Variants in CREG2 observed in about 807,000 individuals in gnomAD.
CREG2 encodes cellular repressor of E1A stimulated genes 2.
A neutral mutation model predicts 26.2 loss-of-function variants in CREG2; 24 were observed. The ratio of observed to expected loss-of-function variants is 0.92; its 90% CI spans 0.66 to 1.29. CREG2 has a LOEUF of 1.29. Ranked by LOEUF, CREG2 falls within the 50% of genes most tolerant of loss-of-function variation. The pLI, the probability that CREG2 is intolerant of heterozygous loss-of-function variation, is 0.00. For missense variants in CREG2, 366 were observed against 398.6 expected, an observed-to-expected ratio of 0.92 and a Z score of 0.70; for synonymous variants, 174 against 169.2, an observed-to-expected ratio of 1.03 and a Z score of -0.22.
At chr2:101,351,321 C>T (rs559023424) in intron 3 of CREG2, among the ~76,000 whole-genome samples, 2 of 152,324 alleles carry the variant, frequency 1.3e-5, no homozygotes, top group African/African-American at 4.8e-5. Context: ...CTCAGTTCAA[C>T]TGCTGATGAG....
intron 1 of CREG2, among the ~76,000 whole-genome samples, chr2:101,386,499 C>A (rs1237358170): frequency 2.6e-5 from 4 of 152,224 alleles, no homozygotes; most frequent in Non-Finnish European, 5.9e-5. Context: ...CATAATAAGC[C>A]TCCTTTCCAG....
In CREG2 at chr2:101,383,577, G is replaced by A. The variant is rs1684914780; in HGVS notation, c.567C>T (p.Pro189=). Residue 189 remains proline, a synonymous_variant, in exon 2 of 4, where the codon CCC becomes CCT. Transcript: ENST00000324768. ...ATTCTGGCAGCATCAGCGAGGCCAT[G>A]GGGTTCTTCATCAGATCAGCCACCA... is the stretch of plus-strand genomic sequence containing the variant. ...DPVVADLMKN[P]MASLMLPESE... 1.2e-6 allele frequency: 2 copies of A among 1,614,034 alleles called. No individual in the cohort carries two copies. The highest frequency in any genetic ancestry group is 2.7e-5 in the African/African-American group (2 of 74,916).
intron 2 of CREG2, chr2:101,383,161 C>T (rs1684904585): frequency 2.7e-6 from 1 of 363,716 alleles, no homozygotes; most frequent in Non-Finnish European, 4.4e-6. Context: ...AGATCAACTA[C>T]TGGCTCTTCC....
At chr2:101,365,514 C>A (rs181227403) in intron 2 of CREG2, among the ~76,000 whole-genome samples, 3 of 152,304 alleles carry the variant, frequency 2.0e-5, no homozygotes, top group African/African-American at 4.8e-5. Flanking sequence ...TCCTTCCCAA[C>A]CAATATTGTC....
chr2:101,363,885 GAC>G (rs1158678597), intron 2 of CREG2, among the ~76,000 whole-genome samples: 1 of 110,298 alleles, frequency 9.1e-6, no homozygotes, highest in African/African-American at 3.3e-5. Flanking sequence ...CACACACACA[GAC>G]ACACACACAG....
At chr2:101,368,758 G>A (rs1007788276) in intron 2 of CREG2, among the ~76,000 whole-genome samples, 4 of 152,116 alleles carry the variant, frequency 2.6e-5, no homozygotes, top group Non-Finnish European at 5.9e-5. Context: ...AATAAAAGAG[G>A]CCCCAGAGAG....
At chr2:101,379,375 C>G (rs1360780807) in intron 2 of CREG2, among the ~76,000 whole-genome samples, 1 of 152,132 alleles carries the variant, frequency 6.6e-6, no homozygotes, top group Admixed American at 6.5e-5. Flanking sequence ...CTGTTCATTC[C>G]TTTCATCATT....
intron 2 of CREG2, among the ~76,000 whole-genome samples, chr2:101,358,218 C>T (rs540565914): frequency 2.0e-5 from 3 of 152,082 alleles, no homozygotes; most frequent in Non-Finnish European, 4.4e-5. Context: ...TCTCAAACTC[C>T]TGACTTCAAG....
intron 2 of CREG2, among the ~76,000 whole-genome samples, chr2:101,356,175 C>T (rs933903036): frequency 5.3e-5 from 8 of 152,230 alleles, no homozygotes; most frequent in African/African-American, 1.9e-4. Flanking sequence ...TATCCATCCT[C>T]TCCGACTCTC....
chr2:101,355,511 G>A, intron 2 of CREG2, 145 bp from the exon 3 acceptor site: 1 of 613,016 alleles, frequency 1.6e-6, no homozygotes, highest in South Asian at 1.9e-5. Flanking sequence ...TATCATTCAG[G>A]TTATGTTACG....
chr2:101,383,811 G>A (rs1684921552), intron 1 of CREG2, 109 bp from the exon 2 acceptor site: 3 of 1,031,304 alleles, frequency 2.9e-6, no homozygotes, highest in Non-Finnish European at 4.2e-6. Context: ...GATGAGGGGG[G>A]ATCATGGCAT....
rs577260793 is a variant in CREG2, at chr2:101,386,253, C to G, written c.441+764G>C. Among the ~76,000 whole-genome samples the G allele has an allele frequency of 8.1e-4, 124 of 152,300 alleles. 1 individual carries two copies. Among genetic ancestry groups the G allele is most frequent in the South Asian group, 2.1e-4 (1 of 4,820 alleles). On this transcript the variant is annotated intron_variant, in intron 1 of 3. Transcript: ENST00000324768. Reference sequence around the variant, plus strand: ...GAACCTGGCCAATGTCCTATGCCTTCCATAAAATATTATTTCTCTTTTTTG... The same window carrying G: ...GAACCTGGCCAATGTCCTATGCCTTGCATAAAATATTATTTCTCTTTTTTG...
rs568585784 is a variant in CREG2 at position 101,350,484 on chromosome 2, T to C, written c.*439A>G. On this transcript the variant is annotated 3_prime_UTR_variant, in exon 4 of 4. Coordinates refer to ENST00000324768, the MANE Select transcript of CREG2 (RefSeq NM_153836.4). The stretch of plus-strand genomic sequence containing the variant: ...TGTGACTGCGTGATGCACAGTCAGC[T>C]GCTTCGTGGTCACAGTGAACTTAGA... The C allele has an allele frequency of 1.9e-5, 3 of 155,926 alleles. No individual in the cohort carries two copies. Among genetic ancestry groups the C allele is most frequent in the Non-Finnish European group, 4.3e-5 (3 of 70,550 alleles). The allele number at this position is 155,926 out of a possible 1,614,324, so 9.7% of individuals were successfully genotyped here. A position where few individuals can be genotyped will look rare whatever the true frequency, so the allele number is the denominator to read the frequency against.
rs370013761 is a variant in CREG2, at chr2:101,347,486, A to G, written c.*3437T>C. On this transcript the variant is annotated 3_prime_UTR_variant, in exon 4 of 4. Transcript: ENST00000324768. ...TGCATCCTTGTCAGCGTTTGGTGTT[A>G]TCATTATTTTTTATTTTAGCAATTT... The G allele has an allele frequency of 3.9e-5, 6 of 152,130 alleles. No homozygotes were observed. The East Asian group carries it at 1.2e-3, about 29-fold the overall frequency. The allele number at this position is 152,130 out of a possible 1,614,324, so 9.4% of individuals were successfully genotyped here.
At chr2:101,362,804 G>A (rs746453156) in intron 2 of CREG2, among the ~76,000 whole-genome samples, 18 of 152,304 alleles carry the variant, frequency 1.2e-4, no homozygotes, top group Non-Finnish European at 2.5e-4. Flanking sequence ...AGGATGGGCA[G>A]CTTGTAAACC....
intron 2 of CREG2, among the ~76,000 whole-genome samples, chr2:101,358,002 A>G (rs1291585824): frequency 1.4e-5 from 2 of 146,614 alleles, no homozygotes; most frequent in Non-Finnish European, 3.0e-5. Context: ...AAGCTAGGCT[A>G]CCTGTCATCT....
Position 101,387,035 on chromosome 2 carries a change from G to C in CREG2, c.423C>G (p.Thr141=). ...AHASVWGCLA[T]VSTHKKIQGL... The stretch of plus-strand genomic sequence containing the variant: ...CGCTCACCTTCTTGTGGGTGGACAC[G>C]GTGGCCAGGCAGCCCCAGACGCTGG... Residue 141 remains threonine (T), a synonymous_variant, in exon 1 of 4, where the codon ACC becomes ACG. Transcript: ENST00000324768. This position sits in a 1 kb window ranked among gnomAD's most constrained non-coding sequence, Gnocchi z 4.7. 6 of 1,232,054 alleles carry C rather than the reference G, an allele frequency of 4.9e-6. No homozygotes were observed. Among genetic ancestry groups the C allele is most frequent in the Non-Finnish European group, 6.1e-6 (6 of 988,502 alleles). The allele number at this position is 1,232,054 out of a possible 1,614,324, so 76.3% of individuals were successfully genotyped here. A position where few individuals can be genotyped will look rare whatever the true frequency, so the allele number is the denominator to read the frequency against.
chr2:101,357,546 C>T (rs1226241959), intron 2 of CREG2, among the ~76,000 whole-genome samples: 1 of 152,124 alleles, frequency 6.6e-6, no homozygotes, highest in Non-Finnish European at 1.5e-5. Flanking sequence ...TGAGGCAGCA[C>T]AATGATAATA....
At chr2:101,373,696 A>G (rs1412611769) in intron 2 of CREG2, among the ~76,000 whole-genome samples, 2 of 152,234 alleles carry the variant, frequency 1.3e-5, no homozygotes, top group African/African-American at 4.8e-5. Context: ...CAGGAACCAC[A>G]GAGACAAAGC....
Sources: gnomAD v4.1 joint callset for allele counts (sites outside exome capture counted in the v4.1 genomes callset) on GRCh38, gnomAD v4.1.1 for gene constraint, Gnocchi (gnomAD v3.1) non-coding constraint, MANE v1.5 for transcripts, NCBI Gene and HGNC (gene_info 2026-07-23, HGNC 2026-07-21) for gene names.